Variants in ADK observed in about 807,000 individuals in gnomAD.
The protein encoded by ADK is N6,N6-dimethyladenosine kinase.
Under a neutral mutation model 44.7 loss-of-function variants are expected in ADK, and 24 were observed. The observed-to-expected ratio is 0.54, with a 90% confidence interval of 0.39 to 0.76. ADK has a LOEUF of 0.76. ADK is among the 30% of genes least tolerant of loss of function. The pLI is 0.00. For missense variants in ADK, 321 were observed against 425.1 expected (o/e 0.76, Z 2.15); for synonymous variants, 128 against 142.6 (o/e 0.90, Z 0.73).
chr10:74,316,166 G>A (rs1474222769), intron 4 of ADK, among the ~76,000 whole-genome samples: 1 of 151,906 alleles, frequency 6.6e-6, no homozygotes, highest in East Asian at 1.9e-4. Flanking sequence ...GTTGAACCTG[G>A]GCGGTATAGG....
At position 74,614,925 on chromosome 10, in the gene ADK, C is replaced by T. The variant is rs1852694365; in HGVS notation, c.877+14432C>T. Among the ~76,000 whole-genome samples the T allele has an allele frequency of 3.3e-5, 5 of 152,164 alleles. No homozygotes were observed. The South Asian group carries it at 1.0e-3, about 32-fold the overall frequency. ...TAATAACCTATGTATACTCACTCAT[C>T]TATATTTATTTCTGTATCTATATGT... On this transcript the variant is annotated intron_variant, in intron 9 of 10. Coordinates refer to ENST00000539909, the MANE Select transcript of ADK (RefSeq NM_006721.4).
At chr10:74,172,391 C>T (rs1342686915) in intron 1 of ADK, among the ~76,000 whole-genome samples, 1 of 152,056 alleles carries the variant, frequency 6.6e-6, no homozygotes, top group Non-Finnish European at 1.5e-5. Flanking sequence ...GCCATTGCAC[C>T]TGGCTAGACA....
intron 10 of ADK, among the ~76,000 whole-genome samples, chr10:74,696,284 G>A (rs1326268221): frequency 6.6e-6 from 1 of 152,040 alleles, no homozygotes; most frequent in Non-Finnish European, 1.5e-5. Context: ...GCCTCCCAAA[G>A]TGCTGGGATT....
intron 8 of ADK, among the ~76,000 whole-genome samples, chr10:74,592,277 A>G (rs986998416): frequency 6.6e-6 from 1 of 152,124 alleles, no homozygotes; most frequent in Non-Finnish European, 1.5e-5. Context: ...TTATTCTAGA[A>G]AATCAGTTCA....
chr10:74,707,688 G>C (rs1289998059), intron 10 of ADK, among the ~76,000 whole-genome samples: 2 of 151,276 alleles, frequency 1.3e-5, no homozygotes, highest in Non-Finnish European at 2.9e-5. Flanking sequence ...GCTTGAACCT[G>C]GGAGGCAGAG....
At chr10:74,455,782 T>A (rs1845923579) in intron 6 of ADK, among the ~76,000 whole-genome samples, 1 of 152,196 alleles carries the variant, frequency 6.6e-6, no homozygotes, top group African/African-American at 2.4e-5. Flanking sequence ...GTGCTAGGAT[T>A]ACAGGCGTGA....
At chr10:74,306,581 A>T (rs892611735) in intron 3 of ADK, among the ~76,000 whole-genome samples, 1 of 152,198 alleles carries the variant, frequency 6.6e-6, no homozygotes, top group Admixed American at 6.5e-5. Context: ...AACACTTTAT[A>T]TGCAAATTGT....
At chr10:74,663,312 G>A (rs917264665) in intron 9 of ADK, among the ~76,000 whole-genome samples, 1 of 149,314 alleles carries the variant, frequency 6.7e-6, no homozygotes, top group Non-Finnish European at 1.5e-5. Flanking sequence ...CTTGTGTATT[G>A]TCTATCCCCA....
chr10:74,613,627 T>C (rs908037820), intron 9 of ADK, among the ~76,000 whole-genome samples: 1 of 152,142 alleles, frequency 6.6e-6, no homozygotes, highest in Admixed American at 6.5e-5. Context: ...TGTTACCTCA[T>C]CTGCTAGTTA....
intron 6 of ADK, among the ~76,000 whole-genome samples, chr10:74,519,345 C>G (rs1848718153): frequency 6.6e-6 from 1 of 151,880 alleles, no homozygotes; most frequent in Non-Finnish European, 1.5e-5. Flanking sequence ...AATTTAGTTT[C>G]ACGATCATAC....
At chr10:74,564,139 C>T (rs894801656) in intron 7 of ADK, among the ~76,000 whole-genome samples, 8 of 148,730 alleles carry the variant, frequency 5.4e-5, no homozygotes, top group Non-Finnish European at 8.9e-5. Context: ...TGAGAATATG[C>T]GGTGTTTGGT....
At chr10:74,379,950 A>C (rs547535845) in intron 4 of ADK, among the ~76,000 whole-genome samples, 17 of 152,242 alleles carry the variant, frequency 1.1e-4, no homozygotes, top group Admixed American at 3.9e-4. Flanking sequence ...ACTTGAGCCC[A>C]AGAGTTCAAG....
intron 9 of ADK, among the ~76,000 whole-genome samples, chr10:74,665,998 T>C (rs973120507): frequency 6.6e-6 from 1 of 152,212 alleles, no homozygotes; most frequent in Admixed American, 6.5e-5. Context: ...TGTGTGTATC[T>C]AGTGCTAAAA....
At chr10:74,496,849 C>T (rs1158365494) in intron 6 of ADK, among the ~76,000 whole-genome samples, 1 of 152,044 alleles carries the variant, frequency 6.6e-6, no homozygotes, top group Non-Finnish European at 1.5e-5. Flanking sequence ...ATAGCTAAGT[C>T]CTCTATTATT....
chr10:74,615,897 C>T (rs1006241895), intron 9 of ADK, among the ~76,000 whole-genome samples: 1 of 151,826 alleles, frequency 6.6e-6, no homozygotes. Context: ...TTAGTAGTGA[C>T]GGGGTTTCAC....
Position 74,151,234 on chromosome 10 carries a change from T to A in ADK, c.-45T>A. On this transcript the variant is annotated 5_prime_UTR_variant, in exon 1 of 11. It removes an upstream start codon present in the reference 5' UTR. Coordinates refer to ENST00000539909, the MANE Select transcript of ADK (RefSeq NM_006721.4). ...AGAGGGGGCGGGACCAGAGAGTGGA[T>A]GGCAGAGGTGGGCTGTAGAGCCAAA... The A allele has an allele frequency of 6.5e-7, 1 of 1,546,302 alleles. No homozygotes were observed. The highest frequency in any genetic ancestry group is 1.4e-5 in the African/African-American group (1 of 72,890).
At chr10:74,527,701 G>T (rs550311032) in intron 7 of ADK, 2 of 1,270,830 alleles carry the variant, frequency 1.6e-6, no homozygotes, top group Non-Finnish European at 2.3e-6. Flanking sequence ...TCTTATTTCT[G>T]CATTGTCCAC....
intron 7 of ADK, among the ~76,000 whole-genome samples, chr10:74,532,349 G>A (rs189552975): frequency 6.6e-6 from 1 of 151,990 alleles, no homozygotes; most frequent in East Asian, 1.9e-4. Context: ...ATGTTGGTGG[G>A]CACCTGTAAT....
At chr10:74,409,016 T>C (rs1457844470) in intron 6 of ADK, among the ~76,000 whole-genome samples, 2 of 152,234 alleles carry the variant, frequency 1.3e-5, no homozygotes, top group Admixed American at 6.5e-5. Flanking sequence ...AATATTATTC[T>C]AGATTCTATA....
Sources: allele counts gnomAD v4.1 joint callset (sites outside exome capture counted in the v4.1 genomes callset), GRCh38; gene constraint gnomAD v4.1.1; transcripts MANE v1.5; gene names NCBI Gene and HGNC (gene_info 2026-07-23, HGNC 2026-07-21).